Variants in NRP1 observed in about 807,000 individuals in gnomAD.
NRP1 encodes neuropilin-1.
A neutral mutation model predicts 106.7 loss-of-function variants in NRP1; 35 were observed. The ratio of observed to expected loss-of-function variants is 0.33; its 90% confidence interval spans 0.25 to 0.43. The LOEUF is 0.43. Ranked by LOEUF, NRP1 falls within the 20% of genes least tolerant of loss-of-function variation. The pLI, the probability that NRP1 is intolerant of heterozygous loss-of-function variation, is 1.00. For synonymous variants in NRP1, 437 were observed against 417.9 expected (o/e 1.05, Z -0.56); for missense variants, 1,024 against 1,170.4 (o/e 0.87, Z 1.83).
At chr10:33,294,617 C>A (rs1030504315) in intron 2 of NRP1, among the ~76,000 whole-genome samples, 595 of 111,514 alleles carry the variant, frequency 5.3e-3, no homozygotes, top group African/African-American at 7.4e-3. Flanking sequence ...AACTCCGTCT[C>A]AAAAAAAAAA....
At chr10:33,184,183 T>G (rs1307912746) in intron 15 of NRP1, among the ~76,000 whole-genome samples, 1 of 152,038 alleles carries the variant, frequency 6.6e-6, no homozygotes, top group African/African-American at 2.4e-5. Flanking sequence ...CCCAGCTAAT[T>G]TTTGTATTTT....
At chr10:33,317,702 T>A (rs1484517110) in intron 2 of NRP1, among the ~76,000 whole-genome samples, 1 of 152,188 alleles carries the variant, frequency 6.6e-6, no homozygotes, top group Non-Finnish European at 1.5e-5. Flanking sequence ...AAAGAATAAT[T>A]TTTTTAAGTC....
chr10:33,259,135 C>T (rs75634879), intron 4 of NRP1, among the ~76,000 whole-genome samples: 2 of 152,194 alleles, frequency 1.3e-5, no homozygotes, highest in African/African-American at 4.8e-5. Flanking sequence ...TTGGGGAGGG[C>T]GGAAGGGGAA....
At chr10:33,233,151 C>G (rs1252089205) in intron 6 of NRP1, among the ~76,000 whole-genome samples, 3 of 152,072 alleles carry the variant, frequency 2.0e-5, no homozygotes, top group Non-Finnish European at 4.4e-5. Flanking sequence ...AAACCCCAAG[C>G]CTTTCCTTCT....
chr10:33,305,027 GC>G (rs1846051076), intron 2 of NRP1, among the ~76,000 whole-genome samples: 1 of 152,196 alleles, frequency 6.6e-6, no homozygotes, highest in Non-Finnish European at 1.5e-5. Flanking sequence ...GGTGTGTTCT[GC>G]CAGCCTAGGC....
At chr10:33,247,933 TG>T (rs1475044937) in intron 6 of NRP1, among the ~76,000 whole-genome samples, 3 of 152,122 alleles carry the variant, frequency 2.0e-5, no homozygotes, top group Admixed American at 2.0e-4. Flanking sequence ...CATGTGAAGA[TG>T]GGGGTAAAAA....
Position 33,183,800 on chromosome 10 carries a change from G to A in NRP1, c.2432-1052C>T, listed in dbSNP as rs576303557. Among the ~76,000 whole-genome samples the A allele has an allele frequency of 1.1e-4, 16 of 152,292 alleles. No homozygotes were observed. The South Asian group carries it at 3.1e-3, about 30-fold the overall frequency. ...CCCAGATGTTCAAGGATGCATATTTGATGAATCATTGTACAATTGTCTTAC... is the reference window on the plus strand; with the variant it reads ...CCCAGATGTTCAAGGATGCATATTTAATGAATCATTGTACAATTGTCTTAC... On this transcript the variant is annotated intron_variant, in intron 15 of 16. Coordinates refer to ENST00000374867, the MANE Select transcript of NRP1 (RefSeq NM_003873.7).
intron 13 of NRP1, among the ~76,000 whole-genome samples, chr10:33,189,612 A>T (rs1245990405): frequency 2.0e-5 from 3 of 152,214 alleles, no homozygotes; most frequent in African/African-American, 7.2e-5. Context: ...TGAACCAGGG[A>T]GAGATGCCAG....
At chr10:33,203,599 G>A (rs1837517218) in intron 10 of NRP1, among the ~76,000 whole-genome samples, 1 of 152,010 alleles carries the variant, frequency 6.6e-6, no homozygotes, top group Non-Finnish European at 1.5e-5. Flanking sequence ...TGTGAGAGAA[G>A]TTGTCTCAGA....
intron 1 of NRP1, 60 bp from the exon 2 acceptor site, chr10:33,330,942 T>G (rs1848241554): frequency 7.1e-7 from 1 of 1,409,550 alleles, no homozygotes; most frequent in South Asian, 1.3e-5. Context: ...TAATCTAGCT[T>G]TATATGTAAA....
At chr10:33,265,613 T>C (rs1842867044) in intron 3 of NRP1, among the ~76,000 whole-genome samples, 1 of 152,218 alleles carries the variant, frequency 6.6e-6, no homozygotes, top group African/African-American at 2.4e-5. Flanking sequence ...CATGCACATA[T>C]CGGCTATCCA....
chr10:33,190,672 C>G lies in NRP1; in HGVS notation c.2062+1609G>C, dbSNP rs376499922. Among the ~76,000 whole-genome samples the G allele has an allele frequency of 8.5e-5, 13 of 152,198 alleles. No individual in the cohort carries two copies. The East Asian group carries it at 2.5e-3, about 29-fold the overall frequency. The stretch of plus-strand genomic sequence containing the variant: ...ATTTCCTAGCATCAGCAAATGCCCC[C>G]CTGGGGTACCTTTTGGGAAGCCACT... On this transcript the variant is annotated intron_variant, in intron 13 of 16. Transcript: ENST00000374867.
chr10:33,214,528 T>C (rs1300815984), intron 8 of NRP1, among the ~76,000 whole-genome samples: 1 of 152,202 alleles, frequency 6.6e-6, no homozygotes, highest in Non-Finnish European at 1.5e-5. Context: ...TTCTTCTGGA[T>C]TTATCCTGAT....
intron 2 of NRP1, among the ~76,000 whole-genome samples, chr10:33,274,714 C>T (rs757042540): frequency 3.9e-5 from 6 of 152,116 alleles, no homozygotes; most frequent in Non-Finnish European, 7.4e-5. Context: ...CCCAGGCTTC[C>T]GGACATTCTC....
chr10:33,232,808 A>G (rs1840261447), intron 6 of NRP1, among the ~76,000 whole-genome samples: 2 of 151,368 alleles, frequency 1.3e-5, no homozygotes, highest in Non-Finnish European at 1.5e-5. Flanking sequence ...ACGCCCAGCT[A>G]ATTTTTGTAT....
chr10:33,263,558 T>C (rs575867261), intron 4 of NRP1, 88 bp downstream of exon 4: 22 of 912,184 alleles, frequency 2.4e-5, no homozygotes, highest in Middle Eastern at 2.2e-4. Context: ...TTTTTTTTAA[T>C]GATTCATGTA....
chr10:33,205,757 A>G (rs1837721481), intron 10 of NRP1: 1 of 158,118 alleles, frequency 6.3e-6, no homozygotes. Flanking sequence ...CAACAGTGAC[A>G]TTATTCCCAG....
chr10:33,235,240 C>T (rs1037551118), intron 6 of NRP1, among the ~76,000 whole-genome samples: 1 of 152,188 alleles, frequency 6.6e-6, no homozygotes, highest in South Asian at 2.1e-4. Flanking sequence ...GTAGCATTGT[C>T]CAAAAGAAAC....
chr10:33,196,874 T>C (rs1457282855), intron 12 of NRP1, among the ~76,000 whole-genome samples: 1 of 152,132 alleles, frequency 6.6e-6, no homozygotes, highest in Non-Finnish European at 1.5e-5. Context: ...TGAGCTTCAA[T>C]AGAGGAAATG....
Sources: gnomAD v4.1 joint callset for allele counts (sites outside exome capture counted in the v4.1 genomes callset) on GRCh38, gnomAD v4.1.1 for gene constraint, MANE v1.5 for transcripts, NCBI Gene and HGNC (gene_info 2026-07-23, HGNC 2026-07-21) for gene names.